A4GALT: variants seen among roughly 807,000 people sequenced by gnomAD.
A4GALT encodes lactosylceramide 4-alpha-galactosyltransferase.
For missense variants in A4GALT, 512 were observed against 486.0 expected (o/e 1.05, Z -0.50); for synonymous variants, 257 against 220.7 (o/e 1.16, Z -1.46).
chr22:42,692,152 T>C lies in A4GALT; in HGVS notation c.*738A>G. On this transcript the variant is annotated 3_prime_UTR_variant, in exon 3 of 3. Coordinates refer to ENST00000642412, the MANE Select transcript of A4GALT (RefSeq NM_017436.7). The surrounding 1 kb of genome is among the most constrained non-coding windows in gnomAD (Gnocchi z 4.6). ...TCGGTCACTTTTATTCTATTGATTATTCTCCTGTGTTTATAATGCGGGCGG... is the reference window on the plus strand; with the variant it reads ...TCGGTCACTTTTATTCTATTGATTACTCTCCTGTGTTTATAATGCGGGCGG... 1 of 169,010 alleles carries C rather than the reference T, an allele frequency of 5.9e-6. No homozygotes were observed. Among genetic ancestry groups the C allele is most frequent in the Non-Finnish European group, 1.3e-5 (1 of 76,684 alleles). The allele number at this position is 169,010 out of a possible 1,614,324, so 10.5% of individuals were successfully genotyped here. A position where few individuals can be genotyped will look rare whatever the true frequency, so the allele number is the denominator to read the frequency against.
Position 42,692,358 on chromosome 22 carries a change from T to TC in A4GALT, c.*531_*532insG. On this transcript the variant is annotated 3_prime_UTR_variant, in exon 3 of 3. Coordinates refer to ENST00000642412, the MANE Select transcript of A4GALT (RefSeq NM_017436.7). This position sits in a 1 kb window ranked among gnomAD's most constrained non-coding sequence, Gnocchi z 4.6. Reference sequence around the variant, plus strand: ...CCCCAGGCTGGCACTTCTGGGCCTCTGCCCCACTCAGTCCCTGTTGACCTC... The same window carrying TC: ...CCCCAGGCTGGCACTTCTGGGCCTCTCGCCCCACTCAGTCCCTGTTGACCTC... 3.8e-6 allele frequency: 1 copy of TC among 265,942 alleles called. No individual in the cohort carries two copies. Among genetic ancestry groups the TC allele is most frequent in the East Asian group, 1.0e-4 (1 of 9,660 alleles). 16.5% of individuals were successfully genotyped at this position (265,942 alleles called of 1,614,324 possible).
intron 1 of A4GALT, among the ~76,000 whole-genome samples, chr22:42,702,648 T>TGCCCTCCACACTGCAGCCTTGGC (rs1555886936): frequency 2.1e-5 from 3 of 144,164 alleles, no homozygotes; most frequent in African/African-American, 5.8e-5. Context: ...AAACACACTC[T>TGCCCTCCACACTGCAGCCTTGGC]TTACCCCCAA....
intron 1 of A4GALT, among the ~76,000 whole-genome samples, chr22:42,718,753 C>G (rs1288777552): frequency 6.6e-6 from 1 of 152,156 alleles, no homozygotes; most frequent in Non-Finnish European, 1.5e-5. Context: ...GTCCTTCCCT[C>G]CAGGAGCTTC....
At chr22:42,703,137 T>TGTGTGTGTGTGTGTGTGTGG (rs1920936267) in intron 1 of A4GALT, among the ~76,000 whole-genome samples, 1 of 148,830 alleles carries the variant, frequency 6.7e-6, no homozygotes, top group African/African-American at 2.5e-5. Flanking sequence ...TGTGTGTGTG[T>TGTGTGTGTGTGTGTGTGTGG]GTGTGTTGTC....
rs71311456 is a variant in A4GALT, at chr22:42,703,057, CTGTG to C, written c.-187-7430_-187-7427del. On this transcript the variant is annotated intron_variant, in intron 1 of 2. Coordinates refer to ENST00000642412, the MANE Select transcript of A4GALT (RefSeq NM_017436.7). ...GCCTTGGCTGGCACATGCTGCCCTG[CTGTG>C]TGTGTGTGTGTGTGTGTGTGTGTGA... 6.1e-4 allele frequency among the ~76,000 whole-genome samples: 82 copies of C among 134,400 alleles called. 2 individuals carry two copies. The highest frequency in any genetic ancestry group is 3.9e-3 in the East Asian group (19 of 4,898). The allele number at this position is 134,400 out of a possible 152,430, so 88.2% of individuals were successfully genotyped here.
chr22:42,698,340 G>A (rs1037957836), intron 1 of A4GALT, among the ~76,000 whole-genome samples: 1 of 152,094 alleles, frequency 6.6e-6, no homozygotes, highest in Non-Finnish European at 1.5e-5. Context: ...CTTGGCACCA[G>A]CTCTGCAGAC....
At chr22:42,697,889 C>A (rs1931045708) in intron 1 of A4GALT, among the ~76,000 whole-genome samples, 1 of 152,160 alleles carries the variant, frequency 6.6e-6, no homozygotes, top group African/African-American at 2.4e-5. Context: ...TGCTCTAAGC[C>A]CTTCCATGGC....
In A4GALT at chr22:42,706,354, C is replaced by CTCAA. The variant is rs1921128098; in HGVS notation, c.-187-10724_-187-10723insTTGA. Among the ~76,000 whole-genome samples, 125 of 83,818 alleles carry CTCAA rather than the reference C, an allele frequency of 1.5e-3. 4 individuals carry two copies. Among genetic ancestry groups the CTCAA allele is most frequent in the African/African-American group, 5.9e-3 (120 of 20,216 alleles). 55.0% of individuals were successfully genotyped at this position (83,818 alleles called of 152,430 possible). A position where few individuals can be genotyped will look rare whatever the true frequency, so the allele number is the denominator to read the frequency against. On this transcript the variant is annotated intron_variant, in intron 1 of 2. Coordinates refer to ENST00000642412, the MANE Select transcript of A4GALT (RefSeq NM_017436.7). Reference sequence around the variant, plus strand: ...TGGGTGACAGAGCGAGACTCCATCCCAAAAAAAAAAAAAAAAAAAAAAAGT... The same window carrying CTCAA: ...TGGGTGACAGAGCGAGACTCCATCCCTCAAAAAAAAAAAAAAAAAAAAAAAAAGT...
chr22:42,698,528 C>T (rs1466844220), intron 1 of A4GALT, among the ~76,000 whole-genome samples: 1 of 152,232 alleles, frequency 6.6e-6, no homozygotes, highest in African/African-American at 2.4e-5. Context: ...CATGACCCAA[C>T]AAAACGGAGT....
At position 42,693,681 on chromosome 22, in the gene A4GALT, T is replaced by C; in HGVS notation, c.271A>G (p.Asn91Asp). 7.6e-7 allele frequency: 1 copy of C among 1,319,170 alleles called. No homozygotes were observed. Among genetic ancestry groups the C allele is most frequent in the African/African-American group, 1.9e-5 (1 of 52,498 alleles). 81.7% of individuals were successfully genotyped at this position (1,319,170 alleles called of 1,614,324 possible). Residue 91 changes from asparagine (N) to aspartate (D), a missense_variant, in exon 3 of 3, where the codon AAC becomes GAC. Asn to Asp is a conservative substitution (Grantham distance 23, BLOSUM62 1). Transcript: ENST00000642412. The part of the protein sequence containing the change: ...FLETSDRTNP[N>D]FLFMCSVESA... ...TCCACCGAGCACATGAACAGGAAGTTGGGGTTGGTCCGGTCTGAAGTCTCC... is the reference window on the plus strand; with the variant it reads ...TCCACCGAGCACATGAACAGGAAGTCGGGGTTGGTCCGGTCTGAAGTCTCC...
intron 1 of A4GALT, among the ~76,000 whole-genome samples, chr22:42,699,525 T>G (rs1453060121): frequency 6.6e-6 from 1 of 152,218 alleles, no homozygotes; most frequent in Non-Finnish European, 1.5e-5. Flanking sequence ...CCCTTGGTCA[T>G]GGGCCTGGCC....
At chr22:42,715,656 G>A (rs1444424072) in intron 1 of A4GALT, among the ~76,000 whole-genome samples, 3 of 152,004 alleles carry the variant, frequency 2.0e-5, no homozygotes, top group Admixed American at 2.0e-4. Flanking sequence ...TGAGGCTGTA[G>A]TGAGCCATGA....
chr22:42,704,787 A>G (rs540333396), intron 1 of A4GALT, among the ~76,000 whole-genome samples: 3 of 151,316 alleles, frequency 2.0e-5, no homozygotes, highest in African/African-American at 7.3e-5. Context: ...AAATGAGAGA[A>G]ACTAAGAGGC....
In A4GALT at chr22:42,693,831, G is replaced by T; in HGVS notation, c.121C>A (p.His41Asn). The T allele has an allele frequency of 6.2e-7, 1 of 1,608,600 alleles. No homozygotes were observed. Among genetic ancestry groups the T allele is most frequent in the Non-Finnish European group, 8.5e-7 (1 of 1,177,814 alleles). Reference protein sequence around the residue: ...TFFVSIMIYWHVVGEPKEKGQ... With the variant: ...TFFVSIMIYWNVVGEPKEKGQ... Reference sequence around the variant, plus strand: ...TTCTCCTTGGGCTCTCCCACAACGTGCCAGTAGATCATGATGGAGACGAAA... The same window carrying T: ...TTCTCCTTGGGCTCTCCCACAACGTTCCAGTAGATCATGATGGAGACGAAA... Residue 41 changes from histidine to asparagine, a missense_variant, in exon 3 of 3, where the codon CAC becomes AAC. Transcript: ENST00000642412.
intron 1 of A4GALT, among the ~76,000 whole-genome samples, chr22:42,703,821 T>A (rs545716502): frequency 6.6e-6 from 1 of 152,150 alleles, no homozygotes; most frequent in African/African-American, 2.4e-5. Context: ...CGCCAAGAAC[T>A]CTGAGGGATC....
Position 42,693,637 on chromosome 22 carries a change from G to A in A4GALT, c.315C>T (p.His105=), listed in dbSNP as rs912317763. The A allele has an allele frequency of 6.2e-7, 1 of 1,613,218 alleles. No individual in the cohort carries two copies. Among genetic ancestry groups the A allele is most frequent in the Non-Finnish European group, 8.5e-7 (1 of 1,179,806 alleles). The part of the protein sequence containing the change: ...MCSVESAART[H]PESHVLVLMK... ...TCAGGACCAGCACGTGGGATTCGGGGTGAGTTCTGGCGGCCGACTCCACCG... is the reference window on the plus strand; with the variant it reads ...TCAGGACCAGCACGTGGGATTCGGGATGAGTTCTGGCGGCCGACTCCACCG... The change falls in exon 3 of 3, where the codon CAC becomes CAT. Residue 105 remains histidine (H), a synonymous_variant. Transcript: ENST00000642412.
chr22:42,699,730 A>T (rs1196039403), intron 1 of A4GALT, among the ~76,000 whole-genome samples: 1 of 152,180 alleles, frequency 6.6e-6, no homozygotes, highest in Non-Finnish European at 1.5e-5. Context: ...GTTCCAAACC[A>T]CAGTCGGGGC....
At chr22:42,695,238 A>G (rs1490285924) in intron 2 of A4GALT, 1 of 152,264 alleles carries the variant, frequency 6.6e-6, no homozygotes, top group Non-Finnish European at 1.5e-5. Context: ...GACCCTCAGC[A>G]AGCCCGAGGG....
At chr22:42,716,022 G>C (rs1260104500) in intron 1 of A4GALT, among the ~76,000 whole-genome samples, 1 of 151,994 alleles carries the variant, frequency 6.6e-6, no homozygotes, top group African/African-American at 2.4e-5. Flanking sequence ...AGTAGAGATA[G>C]GGTTTCTCCA....
Sources: gnomAD v4.1 joint callset for allele counts (sites outside exome capture counted in the v4.1 genomes callset) on GRCh38, gnomAD v4.1.1 for gene constraint, Gnocchi (gnomAD v3.1) non-coding constraint, MANE v1.5 for transcripts, NCBI Gene and HGNC (gene_info 2026-07-23, HGNC 2026-07-21) for gene names.